LRRC19: variants seen among roughly 807,000 people sequenced by gnomAD.
LRRC19 encodes the protein leucine-rich repeat-containing protein 19.
A neutral mutation model predicts 33.3 loss-of-function variants in LRRC19; 33 were observed. The ratio of observed to expected loss-of-function variants is 0.99; its 90% confidence interval spans 0.75 to 1.33. The LOEUF is 1.33. Ranked by LOEUF, LRRC19 falls within the 40% of genes most tolerant of loss-of-function variation. The probability of loss-of-function intolerance (pLI) is 0.00; values close to 1 mark genes in which losing one functional copy is unlikely to be tolerated. For missense variants in LRRC19, 463 were observed against 417.3 expected (o/e 1.11, Z -0.95); for synonymous variants, 184 against 152.3 (o/e 1.21, Z -1.53).
rs1828018437 is a variant in LRRC19, at chr9:26,994,118, G to A, written c.*1403C>T. 6.6e-6 allele frequency: 1 copy of A among 152,164 alleles called. No individual in the cohort carries two copies. The highest frequency in any genetic ancestry group is 1.5e-5 in the Non-Finnish European group (1 of 68,024). 9.4% of individuals were successfully genotyped at this position (152,164 alleles called of 1,614,324 possible). A position where few individuals can be genotyped will look rare whatever the true frequency, so the allele number is the denominator to read the frequency against. ...GTTCTTTGGAATGTTATTGAACTAC[G>A]AGCTCTTAGTAGATGTAACTGAAAG... On this transcript the variant is annotated 3_prime_UTR_variant, in exon 5 of 5. Transcript: ENST00000380055.
rs1432001894 is a variant in LRRC19, at chr9:26,994,148, G to T, written c.*1373C>A. ...CTTAGTAGATGTAACTGAAAGAATG[G>T]GTTTTGTTGTCAAGTAAGTTTGAGA... is the stretch of plus-strand genomic sequence containing the variant. On this transcript the variant is annotated 3_prime_UTR_variant, in exon 5 of 5. Coordinates refer to ENST00000380055, the MANE Select transcript of LRRC19 (RefSeq NM_022901.3). The T allele has an allele frequency of 6.6e-6, 1 of 152,108 alleles. No homozygotes were observed. The highest frequency in any genetic ancestry group is 1.5e-5 in the Non-Finnish European group (1 of 68,022). The allele number at this position is 152,108 out of a possible 1,614,324, so 9.4% of individuals were successfully genotyped here. A position where few individuals can be genotyped will look rare whatever the true frequency, so the allele number is the denominator to read the frequency against.
Position 26,996,383 on chromosome 9 carries a change from G to T in LRRC19, c.712C>A (p.Leu238Ile), listed in dbSNP as rs1477539429. The change falls in exon 4 of 5, where the codon CTT becomes ATT. Residue 238 changes from leucine (L) to isoleucine (I), a missense_variant. Transcript: ENST00000380055. ...SKFPSSVTEDLYIHFQPISNS... is the reference protein window; with the variant it reads ...SKFPSSVTEDIYIHFQPISNS... ...CTGATGGGCTGAAAATGAATATAAA[G>T]ATCTTCAGTTACTGATGAAGGAAAT... 1 of 1,610,118 alleles carries T rather than the reference G, an allele frequency of 6.2e-7. No homozygotes were observed. Among genetic ancestry groups the T allele is most frequent in the South Asian group, 1.1e-5 (1 of 90,596 alleles).
intron 2 of LRRC19, among the ~76,000 whole-genome samples, chr9:26,998,831 A>C (rs1360610793): frequency 4.3e-5 from 6 of 139,170 alleles, no homozygotes; most frequent in Admixed American, 3.5e-4. Context: ...TGAAAATACA[A>C]AAAAAAAAAA....
chr9:27,005,541 T>C (rs997962217), intron 1 of LRRC19, 51 bp downstream of exon 1: 1 of 151,302 alleles, frequency 6.6e-6, no homozygotes, highest in Admixed American at 6.6e-5. Flanking sequence ...AACTTAAATA[T>C]GATTAAAAAA....
chr9:27,002,336 A>G (rs574966583), intron 1 of LRRC19, among the ~76,000 whole-genome samples: 41 of 152,366 alleles, frequency 2.7e-4, no homozygotes, highest in African/African-American at 8.7e-4. Context: ...TGTGTGAGCA[A>G]CATGGCTGTT....
chr9:26,999,244 C>G (rs1362562505), intron 2 of LRRC19, among the ~76,000 whole-genome samples: 2 of 151,970 alleles, frequency 1.3e-5, no homozygotes, highest in Non-Finnish European at 1.5e-5. Context: ...AAGAATAGTT[C>G]TGGTTTATTA....
chr9:27,002,993 G>T (rs1190304562), intron 1 of LRRC19, among the ~76,000 whole-genome samples: 1 of 151,826 alleles, frequency 6.6e-6, no homozygotes, highest in Non-Finnish European at 1.5e-5. Context: ...TTGTTATATA[G>T]ATATTTCACT....
chr9:26,994,932 T>C lies in LRRC19; in HGVS notation c.*589A>G, dbSNP rs995652649. 3.3e-5 allele frequency: 5 copies of C among 152,508 alleles called. No individual in the cohort carries two copies. In the East Asian group the frequency reaches 9.6e-4, roughly 29 times the overall value. 9.4% of individuals were successfully genotyped at this position (152,508 alleles called of 1,614,324 possible). On this transcript the variant is annotated 3_prime_UTR_variant, in exon 5 of 5. Transcript: ENST00000380055. ...TTTATAACCAGAATCAATAGTGACT[T>C]ATTAGGGATTATGCCTGAACATTGT...
At chr9:26,996,001 C>A (rs975036040) in intron 4 of LRRC19, 152 bp from the exon 5 acceptor site, 2 of 661,020 alleles carry the variant, frequency 3.0e-6, no homozygotes, top group African/African-American at 3.6e-5. Flanking sequence ...GATGAATTCT[C>A]TTTGTTCAAA....
At chr9:27,002,548 T>G (rs1183049938) in intron 1 of LRRC19, among the ~76,000 whole-genome samples, 1 of 152,262 alleles carries the variant, frequency 6.6e-6, no homozygotes, top group Non-Finnish European at 1.5e-5. Flanking sequence ...GAAACAACTA[T>G]TATTTCTCCA....
At chr9:26,998,829 CAA>C (rs1176499261) in intron 2 of LRRC19, among the ~76,000 whole-genome samples, 4,035 of 129,134 alleles carry the variant, frequency 0.031, 192 homozygotes, top group African/African-American at 0.11. Flanking sequence ...ACTGAAAATA[CAA>C]AAAAAAAAAA....
rs971732476 is a variant in LRRC19 at position 26,994,426 on chromosome 9, A to G, written c.*1095T>C. ...GTGGTGTGCACCTGTACTCCCAGCT[A>G]CTCGGGAGGCTGAGTCAGAAGAATT... is the stretch of plus-strand genomic sequence containing the variant. On this transcript the variant is annotated 3_prime_UTR_variant, in exon 5 of 5. Coordinates refer to ENST00000380055, the MANE Select transcript of LRRC19 (RefSeq NM_022901.3). 1.3e-5 allele frequency: 2 copies of G among 151,566 alleles called. No homozygotes were observed. Among genetic ancestry groups the G allele is most frequent in the East Asian group, 1.9e-4 (1 of 5,140 alleles). 9.4% of individuals were successfully genotyped at this position (151,566 alleles called of 1,614,324 possible).
Position 26,996,514 on chromosome 9 carries a change from A to G in LRRC19, c.596-15T>C, listed in dbSNP as rs774514338. On this transcript the variant is annotated splice_polypyrimidine_tract_variant and intron_variant, in intron 3 of 4. Coordinates refer to ENST00000380055, the MANE Select transcript of LRRC19 (RefSeq NM_022901.3). The stretch of plus-strand genomic sequence containing the variant: ...GTTCTCATTTTCTAGTAAATCAGAA[A>G]GAATAAGATTTAGTATAGAGAAAAA... 2 of 1,409,402 alleles carry G rather than the reference A, an allele frequency of 1.4e-6. No individual in the cohort carries two copies. Among genetic ancestry groups the G allele is most frequent in the Non-Finnish European group, 9.4e-7 (1 of 1,066,712 alleles). The allele number at this position is 1,409,402 out of a possible 1,614,324, so 87.3% of individuals were successfully genotyped here.
chr9:26,998,163 G>A lies in LRRC19; in HGVS notation c.160C>T (p.Leu54Phe), dbSNP rs1425518640. 10 of 1,597,960 alleles carry A rather than the reference G, an allele frequency of 6.3e-6. No homozygotes were observed. Among genetic ancestry groups the A allele is most frequent in the Non-Finnish European group, 8.6e-6 (10 of 1,168,460 alleles). Residue 54 changes from leucine to phenylalanine, a missense_variant, in exon 3 of 5, where the codon CTC becomes TTC. Physicochemically the swap from Leu to Phe is conservative, Grantham distance 22. Coordinates refer to ENST00000380055, the MANE Select transcript of LRRC19 (RefSeq NM_022901.3). ...DIKKDVTILDLSYNQITLNGT... is the reference protein window; with the variant it reads ...DIKKDVTILDFSYNQITLNGT... The stretch of plus-strand genomic sequence containing the variant: ...TTAAGAGTAATTTGGTTATAACTGA[G>A]ATCAAGTATAGTAACATCTTTCTTG...
Position 26,995,468 on chromosome 9 carries a change from T to A in LRRC19, c.*53A>T. The A allele has an allele frequency of 1.6e-5, 17 of 1,079,798 alleles. No individual in the cohort carries two copies. The highest frequency in any genetic ancestry group is 2.2e-5 in the Non-Finnish European group (17 of 757,606). The allele number at this position is 1,079,798 out of a possible 1,614,324, so 66.9% of individuals were successfully genotyped here. A position where few individuals can be genotyped will look rare whatever the true frequency, so the allele number is the denominator to read the frequency against. On this transcript the variant is annotated 3_prime_UTR_variant, in exon 5 of 5. Coordinates refer to ENST00000380055, the MANE Select transcript of LRRC19 (RefSeq NM_022901.3). ...TATGTCACATAGCAAAATCTCCATATCTAAACTGAGTGAGCTGATAACTTT... is the reference window on the plus strand; with the variant it reads ...TATGTCACATAGCAAAATCTCCATAACTAAACTGAGTGAGCTGATAACTTT...
rs955278216 is a variant in LRRC19, at chr9:26,993,269, A to T, written c.*2252T>A. On this transcript the variant is annotated 3_prime_UTR_variant, in exon 5 of 5. Transcript: ENST00000380055. ...ATTTTGCTACATTTCTCAAATATTA[A>T]TATTTGCATCTTATAATTAGGAAAT... 37 of 152,156 alleles carry T rather than the reference A, an allele frequency of 2.4e-4. No individual in the cohort carries two copies. The highest frequency in any genetic ancestry group is 8.7e-4 in the African/African-American group (36 of 41,458). The allele number at this position is 152,156 out of a possible 1,614,324, so 9.4% of individuals were successfully genotyped here. A position where few individuals can be genotyped will look rare whatever the true frequency, so the allele number is the denominator to read the frequency against.
intron 1 of LRRC19, 67 bp from the exon 2 acceptor site, chr9:26,999,770 CTTTTTTTTTT>C (rs1179000269): frequency 1.7e-4 from 57 of 340,200 alleles, no homozygotes; most frequent in African/African-American, 4.2e-4. Flanking sequence ...TCTGTTTATT[CTTTTTTTTTT>C]TTTTTTTTTT....
intron 2 of LRRC19, among the ~76,000 whole-genome samples, chr9:26,998,526 G>A (rs1423125336): frequency 3.3e-5 from 5 of 152,064 alleles, no homozygotes; most frequent in African/African-American, 1.2e-4. Context: ...TAATGCTACT[G>A]GAATATTCCC....
chr9:27,002,127 A>G (rs1221828148), intron 1 of LRRC19, among the ~76,000 whole-genome samples: 1 of 152,132 alleles, frequency 6.6e-6, no homozygotes. Context: ...ACACTTTTAA[A>G]CAACCAGATC....
Sources: gnomAD v4.1 joint callset for allele counts (sites outside exome capture counted in the v4.1 genomes callset) on GRCh38, gnomAD v4.1.1 for gene constraint, MANE v1.5 for transcripts, NCBI Gene and HGNC (gene_info 2026-07-23, HGNC 2026-07-21) for gene names.